Variants in LDHB observed in about 807,000 individuals in gnomAD.
The protein encoded by LDHB is lactate dehydrogenase B, also known as L-lactate dehydrogenase B chain.
In LDHB, 18 loss-of-function variants were observed where a neutral mutation model predicts 33.4. That is an observed-to-expected ratio of 0.54 (90% CI 0.37 to 0.80). The LOEUF (loss-of-function observed/expected upper bound fraction) is 0.80, where lower values mean the gene tolerates loss of function less well. LDHB is among the 30% of genes least tolerant of loss of function. The probability of loss-of-function intolerance (pLI) is 0.00; values close to 1 mark genes in which losing one functional copy is unlikely to be tolerated. For missense variants in LDHB, 345 were observed against 407.9 expected, an observed-to-expected ratio of 0.85 and a Z score of 1.33; for synonymous variants, 121 against 140.6, an observed-to-expected ratio of 0.86 and a Z score of 0.98.
rs778336407 is a variant in LDHB at position 21,638,432 on chromosome 12, G to A, written c.634C>T (p.Leu212Phe). Residue 212 changes from leucine (L) to phenylalanine (F), a missense_variant, in exon 6 of 8, where the codon CTC (leucine) becomes TTC (phenylalanine). Coordinates refer to ENST00000350669, the MANE Select transcript of LDHB (RefSeq NM_002300.8). ...CCCATTTCTGGATTCAATTCCTGGA[G>A]AGAAACACCTGCCACATTCACACCA... ...WSGVNVAGVS[L>F]QELNPEMGTD... The A allele has an allele frequency of 6.2e-7, 1 of 1,607,206 alleles. No homozygotes were observed. The highest frequency in any genetic ancestry group is 8.5e-7 in the Non-Finnish European group (1 of 1,176,886).
chr12:21,636,683 A>T (rs1438081007), intron 7 of LDHB, among the ~76,000 whole-genome samples: 1 of 152,216 alleles, frequency 6.6e-6, no homozygotes, highest in East Asian at 1.9e-4. Context: ...CATTTGCTCC[A>T]TAGCTTTTGA....
chr12:21,650,947 A>C (rs192841291), intron 2 of LDHB, among the ~76,000 whole-genome samples: 1 of 152,222 alleles, frequency 6.6e-6, no homozygotes, highest in Non-Finnish European at 1.5e-5. Context: ...CTGGGAAGGA[A>C]GTTTATTTTA....
chr12:21,636,974 G>A (rs1938235954), intron 7 of LDHB, 97 bp downstream of exon 7: 1 of 1,059,722 alleles, frequency 9.4e-7, no homozygotes, highest in African/African-American at 1.6e-5. Flanking sequence ...AAATAACCTT[G>A]AACTATGATT....
intron 4 of LDHB, among the ~76,000 whole-genome samples, chr12:21,643,374 T>G (rs763617904): frequency 5.3e-5 from 8 of 152,236 alleles, no homozygotes; most frequent in Non-Finnish European, 1.2e-4. Context: ...TTCTTTCTAG[T>G]CAGAAGGTTT....
At chr12:21,654,708 A>G (rs772976062) in intron 1 of LDHB, 31 bp from the exon 2 acceptor site, 5 of 1,542,860 alleles carry the variant, frequency 3.2e-6, no homozygotes. Flanking sequence ...CATTACACGT[A>G]TATCTGCATA....
chr12:21,639,249 T>A (rs1196623025), intron 5 of LDHB, among the ~76,000 whole-genome samples: 5 of 152,004 alleles, frequency 3.3e-5, no homozygotes, highest in Admixed American at 3.3e-4. Flanking sequence ...GTGAGCATGG[T>A]TTAATTCTCT....
intron 2 of LDHB, among the ~76,000 whole-genome samples, chr12:21,647,584 G>A (rs1938561162): frequency 6.6e-6 from 1 of 152,074 alleles, no homozygotes. Context: ...GACTTGCCCA[G>A]TCTCAGATTT....
At chr12:21,637,947 C>T (rs896422865) in intron 6 of LDHB, among the ~76,000 whole-genome samples, 1 of 151,824 alleles carries the variant, frequency 6.6e-6, no homozygotes, top group Non-Finnish European at 1.5e-5. Context: ...ATATTTGAGA[C>T]ATCAGTTAGT....
intron 2 of LDHB, among the ~76,000 whole-genome samples, chr12:21,650,425 G>C (rs1001743962): frequency 1.6e-4 from 24 of 152,160 alleles, no homozygotes; most frequent in African/African-American, 5.6e-4. Flanking sequence ...ATTTGTCGTT[G>C]TACCTACCTT....
At chr12:21,636,999 C>A (rs1591826095) in intron 7 of LDHB, 72 bp downstream of exon 7, 1 of 1,228,008 alleles carries the variant, frequency 8.1e-7, no homozygotes, top group East Asian at 2.3e-5. Flanking sequence ...CTGGTCTGAG[C>A]CTCTTTAAAT....
Position 21,643,933 on chromosome 12 carries a change from A to G in LDHB, c.421+2T>C, listed in dbSNP as rs777091922. On this transcript the variant is annotated splice_donor_variant, in intron 4 of 7. Coordinates refer to ENST00000350669, the MANE Select transcript of LDHB (RefSeq NM_002300.8). LOFTEE classifies it high-confidence loss of function. ...ACAGAGACTTAAAGTATACAATAAT[A>G]CCTGGGTTGGAAACCACAATTATGA... 6.3e-7 allele frequency: 1 copy of G among 1,597,324 alleles called. No individual in the cohort carries two copies. Among genetic ancestry groups the G allele is most frequent in the East Asian group, 2.2e-5 (1 of 44,798 alleles).
chr12:21,635,483 T>A lies in LDHB; in HGVS notation c.*59A>T, dbSNP rs1451001253. 1.4e-6 allele frequency: 2 copies of A among 1,396,694 alleles called. No homozygotes were observed. The highest frequency in any genetic ancestry group is 2.0e-6 in the Non-Finnish European group (2 of 983,838). The allele number at this position is 1,396,694 out of a possible 1,614,324, so 86.5% of individuals were successfully genotyped here. A position where few individuals can be genotyped will look rare whatever the true frequency, so the allele number is the denominator to read the frequency against. ...GTGATCCATGTACATGGATGAAAAC[T>A]AAAGGCTCGAGTTAATCACATTGTA... On this transcript the variant is annotated 3_prime_UTR_variant, in exon 8 of 8. Transcript: ENST00000350669.
Position 21,654,629 on chromosome 12 carries a change from C to T in LDHB, c.43G>A (p.Glu15Lys), listed in dbSNP as rs1938786308. The change falls in exon 2 of 8, where the codon GAA (glutamate) becomes AAA (lysine). Residue 15 changes from glutamate (E) to lysine (K), a missense_variant. Coordinates refer to ENST00000350669, the MANE Select transcript of LDHB (RefSeq NM_002300.8). ...TTATTGTTTGGAACTGTTGCCTCTT[C>T]TTCCGCAACTGGTGCAATGAGTTTT... ...KEKLIAPVAE[E>K]EATVPNNKIT... 1.2e-6 allele frequency: 2 copies of T among 1,614,042 alleles called. No homozygotes were observed. The highest frequency in any genetic ancestry group is 1.7e-6 in the Non-Finnish European group (2 of 1,179,900).
chr12:21,639,432 G>A (rs553580818), intron 5 of LDHB, among the ~76,000 whole-genome samples: 26 of 151,930 alleles, frequency 1.7e-4, no homozygotes, highest in Middle Eastern at 3.4e-3. Context: ...CACCTACTTT[G>A]CCTTATTTTT....
intron 1 of LDHB, among the ~76,000 whole-genome samples, chr12:21,655,293 A>T (rs1314709016): frequency 6.6e-6 from 1 of 152,220 alleles, no homozygotes; most frequent in East Asian, 1.9e-4. Flanking sequence ...CATTTGTTTA[A>T]ATTAGCTAAT....
chr12:21,647,140 T>C, intron 2 of LDHB, 124 bp from the exon 3 acceptor site: 1 of 669,054 alleles, frequency 1.5e-6, no homozygotes, highest in Non-Finnish European at 2.7e-6. Context: ...TTGAGAATTT[T>C]ACCATGGAGT....
intron 6 of LDHB, 120 bp downstream of exon 6, chr12:21,638,233 A>G (rs1056146106): frequency 5.0e-5 from 35 of 698,436 alleles, no homozygotes; most frequent in Non-Finnish European, 7.2e-5. Flanking sequence ...TTCAAAAGAT[A>G]ACAGCTGCAT....
intron 1 of LDHB, among the ~76,000 whole-genome samples, chr12:21,656,624 AG>A (rs1272928834): frequency 6.6e-6 from 1 of 152,240 alleles, no homozygotes; most frequent in African/African-American, 2.4e-5. Context: ...AGAAAACTTC[AG>A]GAAGTACAAT....
In LDHB at chr12:21,640,405, C is replaced by T. The variant is rs1177396810; in HGVS notation, c.595+1547G>A. On this transcript the variant is annotated intron_variant, in intron 5 of 7. Coordinates refer to ENST00000350669, the MANE Select transcript of LDHB (RefSeq NM_002300.8). ...TCTTTTTGAATTACTAATTTATGTA[C>T]AATTCTTTACTTCAATTTAAGTTCC... Among the ~76,000 whole-genome samples the T allele has an allele frequency of 2.6e-5, 4 of 151,888 alleles. No individual in the cohort carries two copies. The East Asian group carries it at 7.7e-4, about 29-fold the overall frequency.
Sources: gnomAD v4.1 joint callset for allele counts (sites outside exome capture counted in the v4.1 genomes callset) on GRCh38, gnomAD v4.1.1 for gene constraint, MANE v1.5 for transcripts, NCBI Gene and HGNC (gene_info 2026-07-23, HGNC 2026-07-21) for gene names.